Variants in VPS13C observed in about 807,000 individuals in gnomAD.
VPS13C encodes the protein vacuolar protein sorting 13 homolog C, also known as intermembrane lipid transfer protein VPS13C.
Under a neutral mutation model 456.8 loss-of-function variants are expected in VPS13C, and 358 were observed. The observed-to-expected ratio is 0.78, with a 90% CI of 0.72 to 0.86. The LOEUF is 0.86. VPS13C is among the 40% of genes least tolerant of loss of function. VPS13C has a pLI of 0.00. For synonymous variants in VPS13C, 1,578 were observed against 1,486.7 expected (o/e 1.06, Z -1.41); for missense variants, 4,818 against 4,385.4 (o/e 1.10, Z -2.79).
At chr15:62,057,264 C>G (rs559290533) in intron 1 of VPS13C, among the ~76,000 whole-genome samples, 3 of 152,136 alleles carry the variant, frequency 2.0e-5, no homozygotes, top group African/African-American at 7.2e-5. Flanking sequence ...AAATAGTTGT[C>G]AAAGAAGATT....
chr15:62,051,878 T>C (rs2048631321), intron 1 of VPS13C, among the ~76,000 whole-genome samples: 1 of 152,198 alleles, frequency 6.6e-6, no homozygotes, highest in Admixed American at 6.5e-5. Context: ...TCTATTTTTT[T>C]CCTCAAAAGA....
At chr15:61,868,604 G>A in intron 81 of VPS13C, 55 bp downstream of exon 81, 1 of 1,475,532 alleles carries the variant, frequency 6.8e-7, no homozygotes, top group Middle Eastern at 1.7e-4. Flanking sequence ...GAAATCCTGG[G>A]CCTAGAAATC....
chr15:61,919,388 A>C lies in VPS13C; in HGVS notation c.7539T>G (p.Tyr2513Ter). The change falls in exon 58 of 85, where the codon TAT (tyrosine) becomes TAG (stop). Residue 2513 changes from tyrosine (Y) to a stop codon, truncating the protein, a stop_gained. Coordinates refer to ENST00000644861, the MANE Select transcript of VPS13C (RefSeq NM_020821.3). LOFTEE classifies it high-confidence loss of function. Reference protein sequence around the residue: ...IPVARPGRRLYNVRNPNASHS... With the variant: ...IPVARPGRRL ...GACTGGCATTGGGATTCCGTACATT[A>C]TACAATCGCCGTCCAGGTCTGGCCA... The C allele has an allele frequency of 6.2e-7, 1 of 1,603,634 alleles. No homozygotes were observed. Among genetic ancestry groups the C allele is most frequent in the East Asian group, 2.3e-5 (1 of 44,036 alleles).
At chr15:61,971,764 T>C (rs527478217) in intron 27 of VPS13C, among the ~76,000 whole-genome samples, 1 of 152,322 alleles carries the variant, frequency 6.6e-6, no homozygotes, top group African/African-American at 2.4e-5. Flanking sequence ...ATTTTGGATG[T>C]AGTATGGAGA....
intron 81 of VPS13C, chr15:61,866,853 T>C (rs1894630016): frequency 5.1e-6 from 5 of 974,224 alleles, no homozygotes; most frequent in Non-Finnish European, 4.9e-6. Context: ...TGAACAATTA[T>C]ATGTTAATAG....
chr15:61,926,496 GACTTCAT>G (rs377601910), intron 52 of VPS13C, among the ~76,000 whole-genome samples: 153 of 152,240 alleles, frequency 1.0e-3, no homozygotes, highest in African/African-American at 3.5e-3. Context: ...ATAAAGTATA[GACTTCAT>G]ACTTTCTTTA....
At position 61,922,546 on chromosome 15, in the gene VPS13C, A is replaced by C; in HGVS notation, c.6826T>G (p.Cys2276Gly). The C allele has an allele frequency of 6.2e-7, 1 of 1,614,052 alleles. No homozygotes were observed. Among genetic ancestry groups the C allele is most frequent in the Non-Finnish European group, 8.5e-7 (1 of 1,179,960 alleles). Residue 2276 changes from cysteine (C) to glycine (G), a missense_variant, in exon 54 of 85, where the codon TGT (cysteine) becomes GGT (glycine). Transcript: ENST00000644861. ...TGAATGGATTCTACAACAACACCAC[A>C]ATTTTCCTCTATCAGTGAATGTTCA... The part of the protein sequence containing the change: ...GIEHSLIEEN[C>G]GVVVESIQVT...
At chr15:62,007,914 G>A (rs188279464) in intron 14 of VPS13C, among the ~76,000 whole-genome samples, 5 of 151,980 alleles carry the variant, frequency 3.3e-5, no homozygotes, top group Non-Finnish European at 7.4e-5. Context: ...AGACCATCCT[G>A]GCCAACATGG....
Position 61,994,622 on chromosome 15 carries a change from C to G in VPS13C, c.1354-2820G>C, listed in dbSNP as rs142524379. On this transcript the variant is annotated intron_variant, in intron 16 of 84. Transcript: ENST00000644861. ...TTTTTTTTTTTGAGATGGATTCTCA[C>G]TCTGTCACCCAGGCTGGAGTGCAAT... 2.6e-3 allele frequency among the ~76,000 whole-genome samples: 387 copies of G among 151,120 alleles called. 1 individual carries two copies. Among genetic ancestry groups the G allele is most frequent in the African/African-American group, 8.7e-3 (357 of 40,960 alleles).
chr15:61,949,775 G>A (rs1175142020), intron 41 of VPS13C, among the ~76,000 whole-genome samples, 170 bp from the exon 42 acceptor site: 1 of 152,088 alleles, frequency 6.6e-6, no homozygotes, highest in Non-Finnish European at 1.5e-5. Flanking sequence ...ATCCTTGCCA[G>A]ATAATAAATC....
chr15:61,990,989 T>G lies in VPS13C; in HGVS notation c.1578+11A>C. The G allele has an allele frequency of 6.3e-7, 1 of 1,593,228 alleles. No homozygotes were observed. Among genetic ancestry groups the G allele is most frequent in the Non-Finnish European group, 8.6e-7 (1 of 1,164,642 alleles). ...TGAGACAAAATTCCTTTAAACCACT[T>G]AAATAATTACCTGCTTAGGTAAAGT... On this transcript the variant is annotated intron_variant, in intron 18 of 84. Coordinates refer to ENST00000644861, the MANE Select transcript of VPS13C (RefSeq NM_020821.3).
At chr15:61,856,684 TTTC>T in intron 82 of VPS13C, 7 of 199,362 alleles carry the variant, frequency 3.5e-5, no homozygotes, top group South Asian at 2.1e-4. Flanking sequence ...TCTTTTTTCT[TTTC>T]TTTTTTTTTT....
In VPS13C at chr15:62,033,508, G is replaced by C; in HGVS notation, c.318C>G (p.Ser106=). 1 of 1,606,302 alleles carries C rather than the reference G, an allele frequency of 6.2e-7. No individual in the cohort carries two copies. The highest frequency in any genetic ancestry group is 8.5e-7 in the Non-Finnish European group (1 of 1,175,920). Residue 106 remains serine, a synonymous_variant, in exon 5 of 85, where the codon TCC becomes TCG. Coordinates refer to ENST00000644861, the MANE Select transcript of VPS13C (RefSeq NM_020821.3). The part of the protein sequence containing the change: ...IKYDAVKEEK[S]LQDVKQKELS... ...GCTCTTTCTGTTTAACATCCTGCAA[G>C]GATTTTTCTTCTTTTACAGCATCAT...
intron 72 of VPS13C, 31 bp downstream of exon 72, chr15:61,880,812 T>C: frequency 6.4e-7 from 1 of 1,570,442 alleles, no homozygotes; most frequent in Non-Finnish European, 8.6e-7. Context: ...TTGTTAATTT[T>C]ATATTTTCCC....
At chr15:61,865,697 T>C (rs1894514600) in intron 81 of VPS13C, 1 of 379,452 alleles carries the variant, frequency 2.6e-6, no homozygotes, top group African/African-American at 2.2e-5. Flanking sequence ...TGTATATATA[T>C]GTGTGTATAT....
intron 29 of VPS13C, 52 bp from the exon 30 acceptor site, chr15:61,966,194 A>G (rs1212363958): frequency 3.9e-6 from 5 of 1,293,396 alleles, no homozygotes; most frequent in Non-Finnish European, 5.5e-6. Flanking sequence ...GAAGTAAATA[A>G]ATCACTTATT....
At chr15:61,919,188 G>A in intron 58 of VPS13C, 101 bp downstream of exon 58, 1 of 1,177,008 alleles carries the variant, frequency 8.5e-7, no homozygotes, top group East Asian at 2.7e-5. Context: ...TGAATAATCA[G>A]AATTGACCTG....
Position 61,922,680 on chromosome 15 carries a change from GTATCT to G in VPS13C, c.6687_6691del (p.Lys2229AsnfsTer3). On this transcript the variant is annotated frameshift_variant, in exon 54 of 85. Transcript: ENST00000644861. LOFTEE classifies it high-confidence loss of function. ...CCAAAGATTTTCCATTTCCTTAGAC[GTATCT>G]TTGGATCCATCTTCTTTTGTTTTTG... 2 of 1,613,716 alleles carry G rather than the reference GTATCT, an allele frequency of 1.2e-6. No homozygotes were observed. The highest frequency in any genetic ancestry group is 2.2e-5 in the South Asian group (2 of 91,046).
intron 45 of VPS13C, among the ~76,000 whole-genome samples, chr15:61,943,307 C>A (rs1240446305): frequency 2.6e-5 from 4 of 152,040 alleles, no homozygotes; most frequent in African/African-American, 9.7e-5. Flanking sequence ...ACCCAAATAA[C>A]CAAAGCAATC....
Sources: gnomAD v4.1 joint callset for allele counts (sites outside exome capture counted in the v4.1 genomes callset) on GRCh38, gnomAD v4.1.1 for gene constraint, MANE v1.5 for transcripts, NCBI Gene and HGNC (gene_info 2026-07-23, HGNC 2026-07-21) for gene names.